RYR2: variants seen among roughly 807,000 people sequenced by gnomAD.
RYR2 encodes the protein cardiac muscle ryanodine receptor-calcium release channel.
In RYR2, 227 loss-of-function variants were observed where a neutral mutation model predicts 601.1. That is an observed-to-expected ratio of 0.38 (90% CI 0.34 to 0.42). The LOEUF is 0.42. RYR2 is among the 10% of genes least tolerant of loss of function. The pLI is 1.00. For missense variants in RYR2, 4,646 were observed against 6,156.5 expected (o/e 0.75, Z 8.21); for synonymous variants, 2,223 against 2,175.1 (o/e 1.02, Z -0.61).
intron 101 of RYR2, among the ~76,000 whole-genome samples, chr1:237,821,314 GC>G (rs1662471236): frequency 6.6e-6 from 1 of 152,178 alleles, no homozygotes; most frequent in African/African-American, 2.4e-5. Flanking sequence ...CTGGGAGGAA[GC>G]TTCCAGAGGA....
chr1:237,323,641 G>A lies in RYR2; in HGVS notation c.169-7237G>A, dbSNP rs141976279. Among the ~76,000 whole-genome samples the A allele has an allele frequency of 1.2e-4, 18 of 152,308 alleles. No individual in the cohort carries two copies. In the East Asian group the frequency reaches 3.3e-3, roughly 28 times the overall value. ...AAAATGAACACCGAGCAAACCATAT[G>A]GGATGCTACGAATTCACTAGGGATT... On this transcript the variant is annotated intron_variant, in intron 2 of 104. Coordinates refer to ENST00000366574, the MANE Select transcript of RYR2 (RefSeq NM_001035.3).
chr1:237,418,217 T>C (rs939707272), intron 11 of RYR2, among the ~76,000 whole-genome samples: 4 of 152,102 alleles, frequency 2.6e-5, no homozygotes, highest in East Asian at 1.9e-4. Flanking sequence ...TAATTTGTTG[T>C]ATTTTTAGTA....
At chr1:237,807,898 A>G (rs1310384691) in intron 99 of RYR2, among the ~76,000 whole-genome samples, 1 of 152,222 alleles carries the variant, frequency 6.6e-6, no homozygotes, top group Non-Finnish European at 1.5e-5. Flanking sequence ...CACTGTTAGT[A>G]TGGTCGAATT....
At chr1:237,628,206 T>C in intron 41 of RYR2, 126 bp downstream of exon 41, 1 of 1,123,712 alleles carries the variant, frequency 8.9e-7, no homozygotes, top group Non-Finnish European at 1.2e-6. Context: ...TTATACTAAA[T>C]AGCTTTTCTT....
intron 24 of RYR2, among the ~76,000 whole-genome samples, chr1:237,524,268 C>A (rs1425582913): frequency 6.6e-6 from 1 of 152,174 alleles, no homozygotes; most frequent in Admixed American, 6.5e-5. Context: ...ATGGATCAAC[C>A]TGAAAAACTT....
intron 1 of RYR2, among the ~76,000 whole-genome samples, chr1:237,133,143 A>G (rs12139096): frequency 0.083 from 12,673 of 152,186 alleles, 707 homozygotes; most frequent in Middle Eastern, 0.15. Context: ...TTCAGGGGCC[A>G]GACAAGTCTG....
At chr1:237,611,289 A>G (rs1462090006) in intron 36 of RYR2, among the ~76,000 whole-genome samples, 2 of 152,194 alleles carry the variant, frequency 1.3e-5, no homozygotes, top group African/African-American at 4.8e-5. Context: ...AGACAAGTGC[A>G]ACTGCAATCC....
intron 1 of RYR2, 83 bp from the exon 2 acceptor site, chr1:237,270,414 A>T: frequency 6.6e-7 from 1 of 1,525,888 alleles, no homozygotes; most frequent in South Asian, 1.2e-5. Flanking sequence ...ATGCACTAAA[A>T]TAATGTTCTT....
rs1486194495 is a variant in RYR2, at chr1:237,566,478, T to C, written c.3215-89T>C. 5.5e-6 allele frequency: 7 copies of C among 1,269,766 alleles called. No individual in the cohort carries two copies. The Admixed American group carries it at 1.6e-4, about 29-fold the overall frequency. The allele number at this position is 1,269,766 out of a possible 1,614,324, so 78.7% of individuals were successfully genotyped here. A position where few individuals can be genotyped will look rare whatever the true frequency, so the allele number is the denominator to read the frequency against. On this transcript the variant is annotated intron_variant, in intron 27 of 104. Transcript: ENST00000366574. ...CTAGGTTGAATTACTAAAGTCGTGA[T>C]TTATCTTTCCTTCTTTTATTTATGA...
intron 80 of RYR2, among the ~76,000 whole-genome samples, chr1:237,754,154 GTT>G (rs56194528): frequency 3.3e-4 from 47 of 142,292 alleles, no homozygotes; most frequent in East Asian, 1.7e-3. Context: ...TTGGCTCAAT[GTT>G]TTTTTTTTTT....
rs953147627 is a variant in RYR2, at chr1:237,591,760, G to A, written c.4182G>A (p.Lys1394=). 3.1e-6 allele frequency: 5 copies of A among 1,612,966 alleles called. No homozygotes were observed. The highest frequency in any genetic ancestry group is 4.2e-6 in the Non-Finnish European group (5 of 1,179,576). The change falls in exon 32 of 105, where the codon AAG becomes AAA. Residue 1394 remains lysine (K), a synonymous_variant. Coordinates refer to ENST00000366574, the MANE Select transcript of RYR2 (RefSeq NM_001035.3). The part of the protein sequence containing the change: ...LKQRFLLRRT[K]PDYSTSHSAR... ...TCAGATTTTTGCTTAGAAGAACAAA[G>A]CCAGATTACAGCACAAGCCATTCTG...
intron 89 of RYR2, among the ~76,000 whole-genome samples, chr1:237,782,011 C>T (rs540067022): frequency 6.6e-6 from 1 of 152,078 alleles, no homozygotes; most frequent in Non-Finnish European, 1.5e-5. Flanking sequence ...GTGTAAGCTG[C>T]TGCTTTGAAA....
rs181396325 is a variant in RYR2 at position 237,165,710 on chromosome 1, T to C, written c.49-104787T>C. Among the ~76,000 whole-genome samples, 385 of 152,078 alleles carry C rather than the reference T, an allele frequency of 2.5e-3. 2 individuals carry two copies. The highest frequency in any genetic ancestry group is 9.0e-3 in the African/African-American group (374 of 41,500). ...GATAACTTCATCTCTACAAAGAAAC[T>C]AAAAACATTAGCCAGGCATGGTGAG... On this transcript the variant is annotated intron_variant, in intron 1 of 104. Coordinates refer to ENST00000366574, the MANE Select transcript of RYR2 (RefSeq NM_001035.3).
Position 237,595,501 on chromosome 1 carries a change from C to T in RYR2, c.4440C>T (p.Ile1480=). 1 of 1,605,618 alleles carries T rather than the reference C, an allele frequency of 6.2e-7. No homozygotes were observed. The highest frequency in any genetic ancestry group is 8.5e-7 in the Non-Finnish European group (1 of 1,177,210). The part of the protein sequence containing the change: ...GDEKGKVHES[I]KRSNCYMVCA... ...AAAATGTTCTTTTGAAATTCAGCATCAAACGCAGCAACTGCTATATGGTAT... is the reference window on the plus strand; with the variant it reads ...AAAATGTTCTTTTGAAATTCAGCATTAAACGCAGCAACTGCTATATGGTAT... The change falls in exon 34 of 105, where the codon ATC becomes ATT. Residue 1480 remains isoleucine, a synonymous_variant. Coordinates refer to ENST00000366574, the MANE Select transcript of RYR2 (RefSeq NM_001035.3).
chr1:237,716,002 G>A (rs866450806), intron 71 of RYR2, among the ~76,000 whole-genome samples: 5 of 152,016 alleles, frequency 3.3e-5, no homozygotes, highest in African/African-American at 9.7e-5. Context: ...TTACAAGTTG[G>A]TATGTATAAA....
rs538418397 is a variant in RYR2, at chr1:237,683,660, G to T, written c.9017+3083G>T. ...AATGGATATTAACTGTCAGAATCAGGAATTTTCTTCTTAAAATTCTATCAC... is the reference window on the plus strand; with the variant it reads ...AATGGATATTAACTGTCAGAATCAGTAATTTTCTTCTTAAAATTCTATCAC... On this transcript the variant is annotated intron_variant, in intron 62 of 104. Coordinates refer to ENST00000366574, the MANE Select transcript of RYR2 (RefSeq NM_001035.3). Among the ~76,000 whole-genome samples, 6 of 150,990 alleles carry T rather than the reference G, an allele frequency of 4.0e-5. No homozygotes were observed. The East Asian group carries it at 1.2e-3, about 29-fold the overall frequency.
At chr1:237,782,059 G>A (rs139809262) in intron 89 of RYR2, among the ~76,000 whole-genome samples, 316 of 152,122 alleles carry the variant, frequency 2.1e-3, no homozygotes, top group African/African-American at 6.7e-3. Flanking sequence ...TTAAAGCCGT[G>A]GCACTGCTGG....
intron 70 of RYR2, among the ~76,000 whole-genome samples, chr1:237,709,952 G>C (rs945155947): frequency 6.6e-6 from 1 of 152,116 alleles, no homozygotes; most frequent in Admixed American, 6.5e-5. Context: ...TAAAGGTACT[G>C]CTTCCATAAA....
intron 101 of RYR2, among the ~76,000 whole-genome samples, chr1:237,827,501 G>A (rs138540238): frequency 2.0e-3 from 299 of 151,762 alleles, no homozygotes; most frequent in Non-Finnish European, 3.8e-3. Context: ...GTGGTGGTGT[G>A]CGCCTGTAAT....
Sources: gnomAD v4.1 joint callset for allele counts (sites outside exome capture counted in the v4.1 genomes callset) on GRCh38, gnomAD v4.1.1 for gene constraint, MANE v1.5 for transcripts, NCBI Gene and HGNC (gene_info 2026-07-23, HGNC 2026-07-21) for gene names.